Variants in ZNF254 observed in about 807,000 individuals in gnomAD.
ZNF254 encodes the protein zinc finger protein 254, also known as CTD-2017D11.1.
Under a neutral mutation model 12.4 loss-of-function variants are expected in ZNF254, and 10 were observed. That is an observed-to-expected ratio of 0.80 (90% CI 0.50 to 1.36). ZNF254 has a LOEUF of 1.36. Ranked by LOEUF, ZNF254 falls within the 40% of genes most tolerant of loss-of-function variation. ZNF254 has a pLI of 0.00. For missense variants in ZNF254, 996 were observed against 763.9 expected (o/e 1.30, Z -3.58); for synonymous variants, 305 against 253.4 (o/e 1.20, Z -1.93).
At chr19:24,037,965 T>C (rs1268524326) in intron 1 of ZNF254, among the ~76,000 whole-genome samples, 2 of 152,182 alleles carry the variant, frequency 1.3e-5, no homozygotes, top group South Asian at 4.1e-4. Context: ...TGGGCTGGTC[T>C]CGAACTCCTG....
chr19:24,048,234 A>T (rs1303506218), intron 2 of ZNF254, among the ~76,000 whole-genome samples: 2 of 151,606 alleles, frequency 1.3e-5, no homozygotes, highest in African/African-American at 4.8e-5. Context: ...CAGAGATTCA[A>T]AGCTTAGGAA....
At chr19:24,117,562 G>A (rs1974177844) in intron 3 of ZNF254, among the ~76,000 whole-genome samples, 1 of 152,112 alleles carries the variant, frequency 6.6e-6, no homozygotes, top group Non-Finnish European at 1.5e-5. Context: ...GCAGTATTAG[G>A]GTGGGAGTGA....
upstream of ZNF254, among the ~76,000 whole-genome samples, chr19:24,084,932 C>CTTT (rs150066308): frequency 0.13 from 15,776 of 119,512 alleles, 1,307 homozygotes; most frequent in East Asian, 0.16. Context: ...TGACCACAAT[C>CTTT]TTTTTTTTTT....
chr19:24,084,409 G>T (rs1971952872), upstream of ZNF254, among the ~76,000 whole-genome samples: 1 of 151,792 alleles, frequency 6.6e-6, no homozygotes, highest in Non-Finnish European at 1.5e-5. Context: ...CAGTGGCAAG[G>T]GTAGGAGAAG....
At position 24,128,001 on chromosome 19, in the gene ZNF254, A is replaced by G; in HGVS notation, c.*21A>G. 6.6e-7 allele frequency: 1 copy of G among 1,518,798 alleles called. No homozygotes were observed. The highest frequency in any genetic ancestry group is 8.8e-7 in the Non-Finnish European group (1 of 1,140,320). The allele number at this position is 1,518,798 out of a possible 1,614,324, so 94.1% of individuals were successfully genotyped here. A position where few individuals can be genotyped will look rare whatever the true frequency, so the allele number is the denominator to read the frequency against. On this transcript the variant is annotated 3_prime_UTR_variant, in exon 4 of 4. Coordinates refer to ENST00000357002, the MANE Select transcript of ZNF254 (RefSeq NM_203282.4). ...TATGAATAATGTGCCAAAGCCTAAG[A>G]AAACCCTCAATTCTTAATAGATATA...
intron 2 of ZNF254, among the ~76,000 whole-genome samples, chr19:24,057,400 A>G (rs561388597): frequency 6.6e-6 from 1 of 152,326 alleles, no homozygotes; most frequent in South Asian, 2.1e-4. Context: ...CAGTCATTAT[A>G]GAGGTGTTAA....
chr19:24,122,552 G>GCAAA (rs1485435870), intron 3 of ZNF254, among the ~76,000 whole-genome samples: 1 of 152,034 alleles, frequency 6.6e-6, no homozygotes, highest in Non-Finnish European at 1.5e-5. Context: ...ATGGCACTTT[G>GCAAA]CAAACGCCAG....
intron 2 of ZNF254, among the ~76,000 whole-genome samples, chr19:24,068,820 T>C (rs1403522479): frequency 6.6e-6 from 1 of 152,180 alleles, no homozygotes; most frequent in Non-Finnish European, 1.5e-5. Flanking sequence ...ATGATTCTTA[T>C]ACCTTGAACC....
intron 1 of ZNF254, among the ~76,000 whole-genome samples, chr19:24,036,261 C>T (rs566111548): frequency 2.6e-5 from 4 of 151,808 alleles, no homozygotes; most frequent in East Asian, 1.9e-4. Context: ...AGTAGAGACG[C>T]GGTTTCACCG....
intron 1 of ZNF254, among the ~76,000 whole-genome samples, chr19:24,036,259 C>T (rs1385848711): frequency 5.3e-5 from 8 of 151,692 alleles, no homozygotes; most frequent in Non-Finnish European, 1.2e-4. Context: ...TTAGTAGAGA[C>T]GCGGTTTCAC....
intron 3 of ZNF254, among the ~76,000 whole-genome samples, chr19:24,118,095 C>G (rs1349709980): frequency 6.6e-6 from 1 of 150,906 alleles, no homozygotes; most frequent in Non-Finnish European, 1.5e-5. Context: ...CTTTGTCACC[C>G]AGGCTGGAGC....
At chr19:24,094,480 C>T (rs551229384) in intron 1 of ZNF254, among the ~76,000 whole-genome samples, 193 of 152,114 alleles carry the variant, frequency 1.3e-3, no homozygotes, top group African/African-American at 4.2e-3. Flanking sequence ...AGGCTGGTCT[C>T]GAACTTCTGA....
At chr19:24,099,514 CA>C (rs1325320570) in intron 1 of ZNF254, among the ~76,000 whole-genome samples, 1 of 152,196 alleles carries the variant, frequency 6.6e-6, no homozygotes, top group African/African-American at 2.4e-5. Context: ...ATTTAAAATG[CA>C]AGTAGCCAAA....
intron 1 of ZNF254, chr19:24,033,637 TG>T: frequency 2.6e-6 from 1 of 389,928 alleles, no homozygotes. Flanking sequence ...TGTGCGGGGT[TG>T]GGCATCCCGA....
chr19:24,121,862 GT>G (rs960801133), intron 3 of ZNF254, among the ~76,000 whole-genome samples: 3 of 150,816 alleles, frequency 2.0e-5, no homozygotes, highest in Non-Finnish European at 4.4e-5. Flanking sequence ...GCTACCCTTG[GT>G]TTTTTTTTGT....
rs1440117777 is a variant in ZNF254 at position 24,105,929 on chromosome 19, G to A, written c.31-11G>A. The stretch of plus-strand genomic sequence containing the variant: ...ACTTTGTAAATATGTGTGTTTGTGT[G>A]TGTTTTCCAGGGACTGTTGACATTT... On this transcript the variant is annotated splice_polypyrimidine_tract_variant and intron_variant, in intron 1 of 3. Coordinates refer to ENST00000357002, the MANE Select transcript of ZNF254 (RefSeq NM_203282.4). The A allele has an allele frequency of 6.3e-7, 1 of 1,585,918 alleles. No homozygotes were observed. The highest frequency in any genetic ancestry group is 1.3e-5 in the African/African-American group (1 of 74,372).
chr19:24,085,952 A>G (rs1190636018), upstream of ZNF254, among the ~76,000 whole-genome samples: 1 of 152,148 alleles, frequency 6.6e-6, no homozygotes, highest in South Asian at 2.1e-4. Flanking sequence ...CACGCCTGTA[A>G]TCCCAGTAAT....
At chr19:24,043,279 T>TTGG (rs1970246833) in intron 1 of ZNF254, among the ~76,000 whole-genome samples, 1 of 151,924 alleles carries the variant, frequency 6.6e-6, no homozygotes, top group Non-Finnish European at 1.5e-5. Context: ...TTTTTTTTTT[T>TTGG]GAGATAGAAT....
chr19:24,092,971 A>G (rs796993494), intron 1 of ZNF254, among the ~76,000 whole-genome samples: 2 of 151,664 alleles, frequency 1.3e-5, no homozygotes, highest in African/African-American at 4.8e-5. Flanking sequence ...GACATCATCT[A>G]TTTTTTTGCT....
Sources: allele counts gnomAD v4.1 joint callset (sites outside exome capture counted in the v4.1 genomes callset), GRCh38; gene constraint gnomAD v4.1.1; transcripts MANE v1.5; gene names NCBI Gene and HGNC (gene_info 2026-07-23, HGNC 2026-07-21).